Variants in CPQ observed in about 807,000 individuals in gnomAD.
CPQ encodes Ser-Met dipeptidase.
A neutral mutation model predicts 45.7 loss-of-function variants in CPQ; 37 were observed. The observed-to-expected ratio is 0.81, with a 90% CI of 0.62 to 1.07. CPQ has a LOEUF of 1.07. Ranked by LOEUF, CPQ falls within the 50% of genes least tolerant of loss-of-function variation. CPQ has a pLI of 0.00. For missense variants in CPQ, 537 were observed against 572.9 expected (o/e 0.94, Z 0.64); for synonymous variants, 186 against 205.8 (o/e 0.90, Z 0.82).
chr8:96,665,051 T>C (rs1363986801), intron 1 of CPQ, among the ~76,000 whole-genome samples: 2 of 152,086 alleles, frequency 1.3e-5, no homozygotes, highest in Non-Finnish European at 2.9e-5. Context: ...TTGAAGGAGG[T>C]AAGCAGAGGG....
intron 1 of CPQ, among the ~76,000 whole-genome samples, chr8:96,693,602 A>G (rs566991758): frequency 6.6e-6 from 1 of 152,322 alleles, no homozygotes; most frequent in South Asian, 2.1e-4. Context: ...ATGGAATAGT[A>G]TATCCAGCAA....
intron 5 of CPQ, among the ~76,000 whole-genome samples, chr8:97,004,974 T>A (rs1323057715): frequency 6.6e-6 from 1 of 152,160 alleles, no homozygotes; most frequent in Non-Finnish European, 1.5e-5. Context: ...AATTTTTTTA[T>A]GAAGAAAAAT....
chr8:96,683,214 T>C (rs1197418355), intron 1 of CPQ, among the ~76,000 whole-genome samples: 2 of 152,210 alleles, frequency 1.3e-5, no homozygotes, highest in African/African-American at 4.8e-5. Context: ...CTAGTGGTGA[T>C]GAATTCCCTG....
intron 5 of CPQ, among the ~76,000 whole-genome samples, chr8:97,023,017 A>ATACAGTATATATATACTATATACT (rs1809729360): frequency 7.0e-6 from 1 of 142,174 alleles, no homozygotes; most frequent in East Asian, 2.0e-4. Context: ...TACTATATAT[A>ATACAGTATATATATACTATATACT]GTATATATAT....
At chr8:97,001,721 C>CTTTCTT (rs1809284394) in intron 5 of CPQ, among the ~76,000 whole-genome samples, 1 of 92,092 alleles carries the variant, frequency 1.1e-5, no homozygotes, top group African/African-American at 4.3e-5. Context: ...TTCTTTCTTT[C>CTTTCTT]TTTTTTTTTT....
chr8:96,961,082 T>A (rs1032198538), intron 4 of CPQ, among the ~76,000 whole-genome samples: 2 of 152,214 alleles, frequency 1.3e-5, no homozygotes, highest in African/African-American at 4.8e-5. Context: ...TGTTGGATTG[T>A]GGAATGCCCA....
chr8:96,739,719 A>G (rs1274951793), intron 1 of CPQ, among the ~76,000 whole-genome samples: 4 of 151,062 alleles, frequency 2.6e-5, no homozygotes, highest in Admixed American at 2.6e-4. Context: ...TAAATAGGGA[A>G]TCCTTTCCCC....
At chr8:96,804,960 T>C (rs530395946) in intron 2 of CPQ, among the ~76,000 whole-genome samples, 2 of 152,316 alleles carry the variant, frequency 1.3e-5, no homozygotes, top group African/African-American at 4.8e-5. Context: ...TTCATGGAAT[T>C]GAACATTTGC....
At chr8:96,800,407 A>G (rs1431481048) in intron 2 of CPQ, among the ~76,000 whole-genome samples, 1 of 152,220 alleles carries the variant, frequency 6.6e-6, no homozygotes, top group Non-Finnish European at 1.5e-5. Flanking sequence ...TGGTGCTGCC[A>G]TTCTGGAGAA....
At chr8:96,873,238 C>T (rs1168119710) in intron 3 of CPQ, among the ~76,000 whole-genome samples, 2 of 151,756 alleles carry the variant, frequency 1.3e-5, no homozygotes, top group South Asian at 2.1e-4. Context: ...CTCTCTTCTG[C>T]CATTTCAAAT....
At chr8:96,822,528 T>C (rs139681913) in intron 2 of CPQ, among the ~76,000 whole-genome samples, 301 of 152,142 alleles carry the variant, frequency 2.0e-3, no homozygotes, top group Non-Finnish European at 3.6e-3. Flanking sequence ...CATTCTCAAT[T>C]TACATTCTCT....
intron 5 of CPQ, among the ~76,000 whole-genome samples, chr8:96,977,324 CAAAA>C (rs34816638): frequency 7.5e-6 from 1 of 133,858 alleles, no homozygotes. Context: ...TATCCGTAAT[CAAAA>C]AAAAAAAAAA....
chr8:96,946,179 A>G (rs907687617), intron 4 of CPQ, among the ~76,000 whole-genome samples: 11 of 149,700 alleles, frequency 7.3e-5, no homozygotes, highest in African/African-American at 2.7e-4. Flanking sequence ...AGTTTTCCAT[A>G]GTAGAAAGAT....
At chr8:97,136,197 A>G (rs867715875) in intron 7 of CPQ, among the ~76,000 whole-genome samples, 2 of 152,302 alleles carry the variant, frequency 1.3e-5, no homozygotes, top group Middle Eastern at 3.4e-3. Context: ...AAAGATTCAT[A>G]GAGAAGGAGC....
intron 6 of CPQ, among the ~76,000 whole-genome samples, chr8:97,043,614 G>A (rs1810175264): frequency 6.6e-6 from 1 of 152,206 alleles, no homozygotes; most frequent in Non-Finnish European, 1.5e-5. Context: ...TGATTTTGCA[G>A]TGGCTGCTAC....
intron 7 of CPQ, among the ~76,000 whole-genome samples, chr8:97,120,247 G>A (rs995091511): frequency 1.8e-4 from 27 of 152,100 alleles, no homozygotes; most frequent in African/African-American, 1.4e-4. Context: ...AAGTTACCTC[G>A]GCCCAGGTGC....
chr8:96,817,340 G>C (rs571278777), intron 2 of CPQ, among the ~76,000 whole-genome samples: 2 of 152,240 alleles, frequency 1.3e-5, no homozygotes, highest in South Asian at 4.2e-4. Context: ...AATTATGATA[G>C]TAAATCAGAA....
At chr8:97,069,617 T>C (rs1810702476) in intron 7 of CPQ, among the ~76,000 whole-genome samples, 1 of 152,202 alleles carries the variant, frequency 6.6e-6, no homozygotes, top group East Asian at 1.9e-4. Context: ...TGACAAATTA[T>C]AGCTTAAAGC....
chr8:96,903,282 A>C (rs939232756), intron 4 of CPQ, among the ~76,000 whole-genome samples: 1 of 152,236 alleles, frequency 6.6e-6, no homozygotes, highest in Non-Finnish European at 1.5e-5. Context: ...TCTGGACTAA[A>C]AAGTGGAAAC....
Sources: allele counts gnomAD v4.1 joint callset (sites outside exome capture counted in the v4.1 genomes callset), GRCh38; gene constraint gnomAD v4.1.1; transcripts MANE v1.5; gene names NCBI Gene and HGNC (gene_info 2026-07-23, HGNC 2026-07-21).